The following CDK17 variants were observed in gnomAD, a reference collection of about 807,000 sequenced individuals.
CDK17 encodes cyclin-dependent kinase 17.
CDK17 carries 24 observed loss-of-function variants against 77.6 expected under a neutral mutation model. That is an observed-to-expected ratio of 0.31 (90% confidence interval 0.22 to 0.44). The LOEUF (loss-of-function observed/expected upper bound fraction) is 0.44, where lower values mean the gene tolerates loss of function less well. Ranked by LOEUF, CDK17 falls within the 20% of genes least tolerant of loss-of-function variation. The pLI is 1.00. For missense variants in CDK17, 429 were observed against 622.5 expected, an observed-to-expected ratio of 0.69 and a Z score of 3.31; for synonymous variants, 203 against 210.4, an observed-to-expected ratio of 0.96 and a Z score of 0.30.
chr12:96,347,513 C>T (rs1380008418), intron 1 of CDK17, among the ~76,000 whole-genome samples: 2 of 148,298 alleles, frequency 1.3e-5, no homozygotes, highest in African/African-American at 5.0e-5. Flanking sequence ...TTGAAGTGAG[C>T]CAGGATCACA....
chr12:96,280,569 G>C (rs1952163887), intron 16 of CDK17: 2 of 1,412,916 alleles, frequency 1.4e-6, no homozygotes. Flanking sequence ...AGGTCTTTGT[G>C]CCATCTGCAG....
At chr12:96,364,971 A>C (rs1186523901) in intron 1 of CDK17, among the ~76,000 whole-genome samples, 1 of 152,248 alleles carries the variant, frequency 6.6e-6, no homozygotes, top group Non-Finnish European at 1.5e-5. Flanking sequence ...GGAAATTTTC[A>C]GACACTGAAG....
At chr12:96,287,599 T>C (rs1255195227) in intron 11 of CDK17, among the ~76,000 whole-genome samples, 1 of 152,100 alleles carries the variant, frequency 6.6e-6, no homozygotes, top group Non-Finnish European at 1.5e-5. Flanking sequence ...GGAGGACTGC[T>C]TGAGCCCAGG....
chr12:96,385,261 C>T (rs182374927), intron 1 of CDK17, among the ~76,000 whole-genome samples: 27 of 152,104 alleles, frequency 1.8e-4, no homozygotes, highest in Non-Finnish European at 3.8e-4. Context: ...TTGCAGTGGG[C>T]CAAGATTGCG....
intron 3 of CDK17, among the ~76,000 whole-genome samples, chr12:96,317,343 C>CAG (rs1426268576): frequency 3.4e-4 from 39 of 114,218 alleles, no homozygotes; most frequent in Admixed American, 2.6e-3. Context: ...GAAAGTGATG[C>CAG]GGAGAATGGA....
At chr12:96,289,346 C>A in intron 10 of CDK17, 59 bp from the exon 11 acceptor site, 1 of 1,586,804 alleles carries the variant, frequency 6.3e-7, no homozygotes, top group Non-Finnish European at 8.6e-7. Context: ...CTCTCAGACC[C>A]TATTCTCACC....
intron 1 of CDK17, among the ~76,000 whole-genome samples, chr12:96,374,459 A>G (rs1427105074): frequency 6.6e-6 from 1 of 152,196 alleles, no homozygotes; most frequent in Non-Finnish European, 1.5e-5. Context: ...TGAGTGCTTC[A>G]TTGCCTCAAA....
chr12:96,296,154 T>G (rs1592710217), intron 9 of CDK17, among the ~76,000 whole-genome samples: 2 of 152,328 alleles, frequency 1.3e-5, no homozygotes, highest in South Asian at 4.1e-4. Context: ...AATAAAACGC[T>G]TTCCAACTTA....
At chr12:96,383,679 ACT>A (rs1382515065) in intron 1 of CDK17, among the ~76,000 whole-genome samples, 1 of 152,048 alleles carries the variant, frequency 6.6e-6, no homozygotes, top group Non-Finnish European at 1.5e-5. Context: ...CGGGAGAAGG[ACT>A]CTCTATTCAA....
At position 96,331,689 on chromosome 12, in the gene CDK17, T is replaced by C. The variant is rs543914613; in HGVS notation, c.118+3030A>G. ...ATTGTATTTGGATAGAGGTAGAGCATGCATGAGTGAGATTATGGGTATAAG... is the reference window on the plus strand; with the variant it reads ...ATTGTATTTGGATAGAGGTAGAGCACGCATGAGTGAGATTATGGGTATAAG... On this transcript the variant is annotated intron_variant, in intron 2 of 16. Coordinates refer to ENST00000261211, the MANE Select transcript of CDK17 (RefSeq NM_002595.5). 2.0e-5 allele frequency among the ~76,000 whole-genome samples: 3 copies of C among 152,330 alleles called. No homozygotes were observed. The South Asian group carries it at 6.2e-4, about 32-fold the overall frequency.
intron 1 of CDK17, among the ~76,000 whole-genome samples, chr12:96,344,205 G>A (rs944111630): frequency 1.1e-4 from 16 of 152,010 alleles, no homozygotes; most frequent in African/African-American, 2.7e-4. Flanking sequence ...TGAACCTACC[G>A]GACAGGGACA....
At position 96,369,706 on chromosome 12, in the gene CDK17, G is replaced by A. The variant is rs1953659424; in HGVS notation, c.-30+30280C>T. On this transcript the variant is annotated intron_variant, in intron 1 of 16. Coordinates refer to ENST00000261211, the MANE Select transcript of CDK17 (RefSeq NM_002595.5). ...AGGCATGAGAATCGTTTGAACCCGGGAGGTGGAGGTTGCAGTGAGCCAAGA... is the reference window on the plus strand; with the variant it reads ...AGGCATGAGAATCGTTTGAACCCGGAAGGTGGAGGTTGCAGTGAGCCAAGA... Among the ~76,000 whole-genome samples the A allele has an allele frequency of 1.3e-5, 2 of 152,196 alleles. 1 individual carries two copies. The highest frequency in any genetic ancestry group is 4.1e-4 in the South Asian group (2 of 4,832).
intron 1 of CDK17, among the ~76,000 whole-genome samples, chr12:96,376,153 G>A (rs1953778973): frequency 6.6e-6 from 1 of 152,082 alleles, no homozygotes; most frequent in Admixed American, 6.5e-5. Flanking sequence ...GCAGATAAGA[G>A]CTACAAAAAA....
intron 13 of CDK17, chr12:96,284,429 C>G (rs1340331140): frequency 7.5e-6 from 1 of 133,990 alleles, no homozygotes; most frequent in Non-Finnish European, 1.5e-5. Context: ...CCACTGCAGT[C>G]TGGCCTGGGC....
Position 96,397,951 on chromosome 12 carries a change from C to T in CDK17, c.-30+2035G>A, listed in dbSNP as rs376261453. On this transcript the variant is annotated intron_variant, in intron 1 of 16. Coordinates refer to ENST00000261211, the MANE Select transcript of CDK17 (RefSeq NM_002595.5). ...CAATGTTTGTATGTCAACCCTTTAA[C>T]GGCAGTGAGCAGCAAGCTATGACTG... Among the ~76,000 whole-genome samples, 23 of 152,310 alleles carry T rather than the reference C, an allele frequency of 1.5e-4. No individual in the cohort carries two copies. The East Asian group carries it at 1.9e-3, about 13-fold the overall frequency.
chr12:96,374,260 A>G (rs1029747703), intron 1 of CDK17, among the ~76,000 whole-genome samples: 1 of 152,212 alleles, frequency 6.6e-6, no homozygotes, highest in African/African-American at 2.4e-5. Context: ...TTTTCCCACT[A>G]GGCAATTCTT....
rs376761823 is a variant in CDK17 at position 96,380,959 on chromosome 12, ATCTC to A, written c.-30+19023_-30+19026del. Among the ~76,000 whole-genome samples the A allele has an allele frequency of 3.7e-3, 560 of 152,042 alleles. 2 individuals carry two copies. The highest frequency in any genetic ancestry group is 0.011 in the African/African-American group (470 of 41,478). On this transcript the variant is annotated intron_variant, in intron 1 of 16. Coordinates refer to ENST00000261211, the MANE Select transcript of CDK17 (RefSeq NM_002595.5). ...ACCTAGGAAGTGGTTCTCTTCTCTC[ATCTC>A]TCTATTTGTAAAGCTAATTACCTTT... is the stretch of plus-strand genomic sequence containing the variant.
chr12:96,322,418 T>C (rs1323079819), intron 3 of CDK17, among the ~76,000 whole-genome samples: 1 of 151,924 alleles, frequency 6.6e-6, no homozygotes. Flanking sequence ...TAAAGGATTA[T>C]TAAACAGAGA....
intron 1 of CDK17, among the ~76,000 whole-genome samples, chr12:96,363,433 G>A (rs1342549948): frequency 7.7e-6 from 1 of 130,072 alleles, no homozygotes; most frequent in Non-Finnish European, 1.6e-5. Context: ...CTGGGCAACA[G>A]AGCAAGACTT....
Sources: allele counts gnomAD v4.1 joint callset (sites outside exome capture counted in the v4.1 genomes callset), GRCh38; gene constraint gnomAD v4.1.1; transcripts MANE v1.5; gene names NCBI Gene and HGNC (gene_info 2026-07-23, HGNC 2026-07-21).